SRPX: variants seen among roughly 807,000 people sequenced by gnomAD.
The protein encoded by SRPX is sushi repeat containing protein X-linked.
SRPX carries 24 observed loss-of-function variants against 38.1 expected under a neutral mutation model. The observed-to-expected ratio is 0.63, with a 90% CI of 0.46 to 0.89. The LOEUF is 0.89. Ranked by LOEUF, SRPX falls within the 40% of genes least tolerant of loss-of-function variation. The pLI, the probability that SRPX is intolerant of heterozygous loss-of-function variation, is 0.00. For synonymous variants in SRPX, 184 were observed against 153.8 expected (o/e 1.20, Z -1.45); for missense variants, 416 against 377.8 (o/e 1.10, Z -0.84).
intron 1 of SRPX, among the ~76,000 whole-genome samples, chrX:38,201,118 C>T (rs1939105351): frequency 9.0e-6 from 1 of 111,188 alleles, no homozygotes; most frequent in African/African-American, 3.3e-5. Context: ...TTCTCTCATC[C>T]TAGTAGATAT....
intron 1 of SRPX, among the ~76,000 whole-genome samples, chrX:38,209,832 C>T (rs1254963727): frequency 8.9e-6 from 1 of 112,249 alleles, no homozygotes; most frequent in African/African-American, 3.2e-5. Context: ...AAAAAAACTT[C>T]CTTTAACCAA....
intron 1 of SRPX, among the ~76,000 whole-genome samples, chrX:38,210,138 A>T (rs5918501): frequency 1.8e-5 from 2 of 111,358 alleles, no homozygotes; most frequent in Non-Finnish European, 1.9e-5. Context: ...CATTTGGAGG[A>T]TCTGCTAAAA....
At chrX:38,185,905 G>T (rs1041936656) in intron 1 of SRPX, among the ~76,000 whole-genome samples, 1 of 105,075 alleles carries the variant, frequency 9.5e-6, no homozygotes, top group African/African-American at 3.5e-5. Flanking sequence ...AAAAGGGGGG[G>T]GGGAGTGAGT....
Position 38,172,052 on chromosome X carries a change from G to A in SRPX, c.355C>T (p.Arg119Ter), listed in dbSNP as rs747378859. Residue 119 changes from arginine (R) to a stop codon, truncating the protein, a stop_gained, in exon 4 of 10, where the codon CGA becomes TGA. Coordinates refer to ENST00000378533, the MANE Select transcript of SRPX (RefSeq NM_006307.5). LOFTEE classifies it high-confidence loss of function. ...WSDKVICKQK[R>*]CPTLAMPANG... ...GCTGGCATGGCAAGGGTAGGACATC[G>A]CTTTTCTGAAAATGAGAAAATCAGA... 50 of 1,204,619 alleles carry A rather than the reference G, an allele frequency of 4.2e-5. No homozygotes were observed. The highest frequency in any genetic ancestry group is 5.4e-5 in the Non-Finnish European group (48 of 891,841).
intron 1 of SRPX, among the ~76,000 whole-genome samples, chrX:38,203,944 T>C (rs1041775549): frequency 2.7e-5 from 3 of 112,405 alleles, no homozygotes; most frequent in Non-Finnish European, 3.8e-5. Flanking sequence ...TATTTCTATA[T>C]ACTTGCAATA....
intron 1 of SRPX, among the ~76,000 whole-genome samples, chrX:38,195,283 A>G (rs1279306206): frequency 9.0e-6 from 1 of 111,440 alleles, no homozygotes; most frequent in Non-Finnish European, 1.9e-5. Flanking sequence ...CGAAAGGAAA[A>G]GAATCCAAAG....
At chrX:38,192,702 C>A (rs1181627467) in intron 1 of SRPX, among the ~76,000 whole-genome samples, 1 of 112,434 alleles carries the variant, frequency 8.9e-6, no homozygotes, top group East Asian at 2.8e-4. Flanking sequence ...ATGTTGGCCC[C>A]TTCCCAGTCC....
chrX:38,220,564 C>T, intron 1 of SRPX, 132 bp downstream of exon 1: 1 of 1,006,956 alleles, frequency 9.9e-7, no homozygotes, highest in South Asian at 2.6e-5. Context: ...CACCCTCGGG[C>T]TGCGAAAGAG....
At chrX:38,208,556 T>C (rs1939255624) in intron 1 of SRPX, among the ~76,000 whole-genome samples, 1 of 112,334 alleles carries the variant, frequency 8.9e-6, no homozygotes, top group Non-Finnish European at 1.9e-5. Context: ...TCCAGAAGTT[T>C]ATATCAAACT....
chrX:38,207,886 T>A (rs1304108504), intron 1 of SRPX, among the ~76,000 whole-genome samples: 1 of 112,068 alleles, frequency 8.9e-6, no homozygotes, highest in Non-Finnish European at 1.9e-5. Flanking sequence ...AGAGTAAAGA[T>A]CCAGGCAAGA....
chrX:38,188,831 G>C (rs1206801451), intron 1 of SRPX, among the ~76,000 whole-genome samples: 1 of 111,220 alleles, frequency 9.0e-6, no homozygotes, highest in Non-Finnish European at 1.9e-5. Flanking sequence ...TCTAACAATA[G>C]GTCACAGTAG....
intron 1 of SRPX, among the ~76,000 whole-genome samples, chrX:38,210,438 A>G (rs192721581): frequency 1.7e-4 from 19 of 112,088 alleles, no homozygotes; most frequent in South Asian, 7.5e-4. Context: ...CTTCCCATAT[A>G]CCATTTCTGA....
At chrX:38,154,653 A>G (rs1285917998) in intron 8 of SRPX, 70 bp from the exon 9 acceptor site, 2 of 1,154,431 alleles carry the variant, frequency 1.7e-6, no homozygotes, top group Non-Finnish European at 2.3e-6. Flanking sequence ...CAAACTAGAA[A>G]CCGACAGAAG....
chrX:38,152,177 TA>T (rs916915853), intron 9 of SRPX, among the ~76,000 whole-genome samples: 1 of 112,043 alleles, frequency 8.9e-6, no homozygotes, highest in African/African-American at 3.2e-5. Context: ...CCAAGGTGTC[TA>T]AAAAACACCT....
At chrX:38,163,417 A>T (rs1181094344) in intron 5 of SRPX, among the ~76,000 whole-genome samples, 1 of 112,260 alleles carries the variant, frequency 8.9e-6, no homozygotes, top group Admixed American at 9.4e-5. Flanking sequence ...GTATCCTTTC[A>T]TCTACAGATG....
At chrX:38,167,623 A>T (rs1228105208) in intron 4 of SRPX, among the ~76,000 whole-genome samples, 2 of 112,617 alleles carry the variant, frequency 1.8e-5, no homozygotes, top group East Asian at 5.5e-4. Flanking sequence ...TTCAGTGAAA[A>T]TTCTGGCCTT....
chrX:38,206,271 T>C (rs1371309434), intron 1 of SRPX, among the ~76,000 whole-genome samples: 1 of 112,159 alleles, frequency 8.9e-6, no homozygotes, highest in East Asian at 2.8e-4. Context: ...CACAGACACA[T>C]GAGTGGAACC....
At chrX:38,195,382 G>GTTTTT (rs10710053) in intron 1 of SRPX, among the ~76,000 whole-genome samples, 10 of 87,945 alleles carry the variant, frequency 1.1e-4, no homozygotes, top group Middle Eastern at 5.7e-3. Context: ...GGTGTTTGTG[G>GTTTTT]TTTTTTTTTT....
At chrX:38,192,718 T>A (rs1938929728) in intron 1 of SRPX, among the ~76,000 whole-genome samples, 1 of 112,233 alleles carries the variant, frequency 8.9e-6, no homozygotes, top group Non-Finnish European at 1.9e-5. Context: ...AGTCCCTTGC[T>A]GGAGAAGGGC....
Sources: allele counts gnomAD v4.1 joint callset (sites outside exome capture counted in the v4.1 genomes callset), GRCh38; gene constraint gnomAD v4.1.1; transcripts MANE v1.5; gene names NCBI Gene and HGNC (gene_info 2026-07-23, HGNC 2026-07-21).